Variants in HDAC4 observed in about 807,000 individuals in gnomAD.
HDAC4 encodes the protein histone deacetylase 4.
A neutral mutation model predicts 135.1 loss-of-function variants in HDAC4; 16 were observed. The ratio of observed to expected loss-of-function variants is 0.12; its 90% CI spans 0.08 to 0.18. The LOEUF (loss-of-function observed/expected upper bound fraction) is 0.18, where lower values mean the gene tolerates loss of function less well. Among genes scored for constraint, HDAC4 ranks in the 10% least tolerant of loss-of-function variants. The pLI is 1.00. For synonymous variants in HDAC4, 685 were observed against 653.4 expected, an observed-to-expected ratio of 1.05 and a Z score of -0.74; for missense variants, 1,143 against 1,511.8, an observed-to-expected ratio of 0.76 and a Z score of 4.05.
chr2:239,324,364 A>G (rs2053408282), intron 2 of HDAC4, among the ~76,000 whole-genome samples: 1 of 152,244 alleles, frequency 6.6e-6, no homozygotes, highest in South Asian at 2.1e-4. Flanking sequence ...CCTGAACAGA[A>G]AGGCTGGTGA....
rs147655987 is a variant in HDAC4, at chr2:239,119,596, G to C, written c.1534-4286C>G. ...TGGAGCTAAGGGGAACGGAGCTCAG[G>C]GCTGAGAACGCAGAGATGGGAGCTC... On this transcript the variant is annotated intron_variant, in intron 12 of 26. Transcript: ENST00000543185. Among the ~76,000 whole-genome samples, 574 of 151,828 alleles carry C rather than the reference G, an allele frequency of 3.8e-3. 2 individuals carry two copies. Among genetic ancestry groups the C allele is most frequent in the African/African-American group, 0.014 (559 of 41,398 alleles).
chr2:239,249,642 C>G (rs1328307654), intron 2 of HDAC4, among the ~76,000 whole-genome samples: 5 of 152,142 alleles, frequency 3.3e-5, no homozygotes, highest in Admixed American at 1.3e-4. Flanking sequence ...TTCAAGTTCT[C>G]CATATTCTAC....
intron 24 of HDAC4, among the ~76,000 whole-genome samples, chr2:239,059,946 T>C (rs1301435746): frequency 6.6e-6 from 1 of 152,162 alleles, no homozygotes; most frequent in African/African-American, 2.4e-5. Flanking sequence ...CCGGGGGCCC[T>C]TGGATCCACC....
At chr2:239,357,422 T>C (rs1274647321) in intron 1 of HDAC4, among the ~76,000 whole-genome samples, 4 of 148,694 alleles carry the variant, frequency 2.7e-5, no homozygotes. Flanking sequence ...CCTTAAAAAA[T>C]TAGAAAAAGA....
intron 17 of HDAC4, chr2:239,094,106 G>GCGGCTCCTGCTGTCCAC (rs1314750597): frequency 1.0e-6 from 1 of 985,320 alleles, no homozygotes; most frequent in African/African-American, 1.7e-5. Context: ...TTCGGCTGCA[G>GCGGCTCCTGCTGTCCAC]CGGCTCCTGC....
chr2:239,346,538 AACACACAAACACACCTTCACACACACAC>A (rs1292767220), intron 2 of HDAC4, among the ~76,000 whole-genome samples: 4 of 132,552 alleles, frequency 3.0e-5, no homozygotes, highest in South Asian at 2.4e-4. Context: ...CACACCCTAA[AACACACAAACACACCTTCACACACACAC>A]ACACACACAC....
In HDAC4 at chr2:239,378,090, G is replaced by A. The variant is rs189423941; in HGVS notation, c.-220+22888C>T. Among the ~76,000 whole-genome samples the A allele has an allele frequency of 2.4e-4, 36 of 152,252 alleles. No homozygotes were observed. In the East Asian group the frequency reaches 3.1e-3, roughly 13 times the overall value. ...GTGCCCCTCCACTCAGCCAACATCC[G>A]GGGAATGCCAGCGGCAGGTGGGTGC... is the stretch of plus-strand genomic sequence containing the variant. On this transcript the variant is annotated intron_variant, in intron 1 of 26. Transcript: ENST00000543185.
At chr2:239,135,594 G>T (rs567900106) in intron 9 of HDAC4, among the ~76,000 whole-genome samples, 2 of 152,318 alleles carry the variant, frequency 1.3e-5, no homozygotes, top group African/African-American at 4.8e-5. Flanking sequence ...AGGACAATTT[G>T]GCAATCTATG....
chr2:239,296,475 C>T (rs911475714), intron 2 of HDAC4, among the ~76,000 whole-genome samples: 1 of 152,204 alleles, frequency 6.6e-6, no homozygotes, highest in African/African-American at 2.4e-5. Context: ...TGAGTGCTGA[C>T]ACTCTAATTC....
At chr2:239,380,047 G>A (rs1015902243) in intron 1 of HDAC4, among the ~76,000 whole-genome samples, 3 of 152,230 alleles carry the variant, frequency 2.0e-5, no homozygotes, top group African/African-American at 7.2e-5. Context: ...GGCTGGGAGG[G>A]CGTGCACGAA....
intron 2 of HDAC4, among the ~76,000 whole-genome samples, chr2:239,305,940 C>CA (rs1296135819): frequency 1.3e-5 from 2 of 152,210 alleles, no homozygotes; most frequent in East Asian, 3.8e-4. Flanking sequence ...GGAACCGTGA[C>CA]AAAGAGCTGG....
intron 2 of HDAC4, among the ~76,000 whole-genome samples, chr2:239,247,456 C>G (rs192909823): frequency 2.4e-4 from 36 of 152,330 alleles, no homozygotes; most frequent in African/African-American, 8.7e-4. Flanking sequence ...GCACACAGTA[C>G]GTGCGGGGCG....
chr2:239,199,858 C>T (rs980726315), intron 3 of HDAC4, among the ~76,000 whole-genome samples: 2 of 152,148 alleles, frequency 1.3e-5, no homozygotes, highest in Admixed American at 6.5e-5. Context: ...CTCAGCCTTC[C>T]GAGTAGCTGG....
chr2:239,323,811 GA>G (rs764612957), intron 2 of HDAC4, among the ~76,000 whole-genome samples: 1 of 151,976 alleles, frequency 6.6e-6, no homozygotes, highest in Admixed American at 6.6e-5. Flanking sequence ...CCTGCACAGG[GA>G]AAAAACGCTG....
Position 239,202,326 on chromosome 2 carries a change from G to T in HDAC4, c.95-12249C>A, listed in dbSNP as rs370066384. ...GGTTGTCTCACAGGACACTCAGATA[G>T]AAAGACCTGGTCTCTCCAAATTTCC... On this transcript the variant is annotated intron_variant, in intron 3 of 26. Coordinates refer to ENST00000543185, the MANE Select transcript of HDAC4 (RefSeq NM_001378414.1). 1.6e-4 allele frequency among the ~76,000 whole-genome samples: 24 copies of T among 152,346 alleles called. No homozygotes were observed. The South Asian group carries it at 4.6e-3, about 29-fold the overall frequency.
At chr2:239,337,450 T>G (rs1490943268) in intron 2 of HDAC4, among the ~76,000 whole-genome samples, 1 of 152,106 alleles carries the variant, frequency 6.6e-6, no homozygotes, top group East Asian at 1.9e-4. Context: ...CGCTGCAAAC[T>G]TCCTCTCTCT....
chr2:239,394,946 A>G (rs1337962324), intron 1 of HDAC4, among the ~76,000 whole-genome samples: 1 of 152,270 alleles, frequency 6.6e-6, no homozygotes, highest in Non-Finnish European at 1.5e-5. Flanking sequence ...CTAAGGTCAC[A>G]ATGAGCTCCT....
At position 239,102,816 on chromosome 2, in the gene HDAC4, G is replaced by A. The variant is rs754019763; in HGVS notation, c.2193C>T (p.Asn731=). ...TGTCCAGTTTCTGCCGGTTGAGGGG[G>A]TTCGTGCCATACAGGAGGGTGTGGG... ...SEAHTLLYGT[N]PLNRQKLDSK... is the part of the protein sequence containing the mutation. Residue 731 remains asparagine (N), a synonymous_variant, in exon 16 of 27, where the codon AAC becomes AAT. Transcript: ENST00000543185. The A allele has an allele frequency of 6.2e-7, 1 of 1,613,954 alleles. No individual in the cohort carries two copies. The highest frequency in any genetic ancestry group is 8.5e-7 in the Non-Finnish European group (1 of 1,180,022).
At chr2:239,369,901 GGCGTCAT>G (rs1306590282) in intron 1 of HDAC4, among the ~76,000 whole-genome samples, 7 of 152,262 alleles carry the variant, frequency 4.6e-5, no homozygotes, top group African/African-American at 1.7e-4. Context: ...TACTGAAAGT[GGCGTCAT>G]GCCCTGATGG....
Sources: gnomAD v4.1 joint callset for allele counts (sites outside exome capture counted in the v4.1 genomes callset) on GRCh38, gnomAD v4.1.1 for gene constraint, MANE v1.5 for transcripts, NCBI Gene and HGNC (gene_info 2026-07-23, HGNC 2026-07-21) for gene names.